The following NAALADL2 variants were observed in gnomAD, a reference collection of about 807,000 sequenced individuals.
NAALADL2 encodes N-acetylated alpha-linked acidic dipeptidase like 2, also known as inactive N-acetylated-alpha-linked acidic dipeptidase-like protein 2.
Under a neutral mutation model 87.2 loss-of-function variants are expected in NAALADL2, and 76 were observed. The ratio of observed to expected loss-of-function variants is 0.87; its 90% confidence interval spans 0.72 to 1.05. NAALADL2 has a LOEUF of 1.05. NAALADL2 is among the 50% of genes least tolerant of loss of function. The pLI, the probability that NAALADL2 is intolerant of heterozygous loss-of-function variation, is 0.00. For synonymous variants in NAALADL2, 354 were observed against 331.0 expected, an observed-to-expected ratio of 1.07 and a Z score of -0.75; for missense variants, 1,089 against 945.8, an observed-to-expected ratio of 1.15 and a Z score of -1.99.
intron 11 of NAALADL2, among the ~76,000 whole-genome samples, chr3:175,714,034 C>T (rs1450099506): frequency 1.3e-5 from 2 of 152,040 alleles, no homozygotes; most frequent in Non-Finnish European, 2.9e-5. Flanking sequence ...TCCAGCTTCA[C>T]CCATGTTTCT....
chr3:174,486,987 T>C (rs1032975281), intron 1 of NAALADL2, among the ~76,000 whole-genome samples: 1 of 151,996 alleles, frequency 6.6e-6, no homozygotes, highest in Non-Finnish European at 1.5e-5. Context: ...AAGCTGTGTC[T>C]ATCAGAGGCC....
chr3:174,914,800 A>G (rs1734165645), intron 1 of NAALADL2, among the ~76,000 whole-genome samples: 2 of 151,934 alleles, frequency 1.3e-5, no homozygotes, highest in African/African-American at 2.4e-5. Flanking sequence ...TGGAGACAAA[A>G]CAAATTTGAT....
At chr3:175,594,084 C>A (rs1016708918) in intron 10 of NAALADL2, among the ~76,000 whole-genome samples, 1 of 151,878 alleles carries the variant, frequency 6.6e-6, no homozygotes, top group African/African-American at 2.4e-5. Context: ...GGGTACAGAT[C>A]CTGTCACCCA....
At chr3:175,358,814 G>T (rs1187243806) in intron 5 of NAALADL2, among the ~76,000 whole-genome samples, 4 of 152,084 alleles carry the variant, frequency 2.6e-5, no homozygotes, top group African/African-American at 9.7e-5. Context: ...TGAGCACAAT[G>T]CAAAACATGC....
At chr3:174,810,890 C>T (rs536283020) in intron 3 of NAALADL2, among the ~76,000 whole-genome samples, 1 of 152,292 alleles carries the variant, frequency 6.6e-6, no homozygotes, top group African/African-American at 2.4e-5. Context: ...TATCATGGAC[C>T]AGACCTAGGG....
chr3:175,707,639 A>C (rs1295102984), intron 11 of NAALADL2, among the ~76,000 whole-genome samples: 1 of 152,100 alleles, frequency 6.6e-6, no homozygotes, highest in East Asian at 1.9e-4. Flanking sequence ...CAATTTCTTT[A>C]TATGTACACT....
At chr3:175,338,664 A>AC (rs1762280095) in intron 5 of NAALADL2, among the ~76,000 whole-genome samples, 3 of 142,610 alleles carry the variant, frequency 2.1e-5, no homozygotes, top group Non-Finnish European at 1.6e-5. Context: ...CACACACACA[A>AC]ACAAACAAAA....
chr3:174,764,281 G>A (rs927683452), intron 3 of NAALADL2, among the ~76,000 whole-genome samples: 1 of 152,168 alleles, frequency 6.6e-6, no homozygotes, highest in Non-Finnish European at 1.5e-5. Context: ...TTTTAAGCTA[G>A]GTAACTTTTG....
rs555785465 is a variant in NAALADL2, at chr3:175,387,959, A to C, written c.1091-59270A>C. On this transcript the variant is annotated intron_variant, in intron 5 of 13. Transcript: ENST00000454872. ...CTGATTGACAGTTAATATTGTAGCT[A>C]TTCCCTGTTTAACCTTCCTAAATTC... Among the ~76,000 whole-genome samples, 27 of 152,206 alleles carry C rather than the reference A, an allele frequency of 1.8e-4. 1 individual carries two copies. The South Asian group carries it at 5.6e-3, about 32-fold the overall frequency.
At chr3:175,350,071 A>G (rs1763601990) in intron 5 of NAALADL2, among the ~76,000 whole-genome samples, 1 of 144,640 alleles carries the variant, frequency 6.9e-6, no homozygotes, top group Non-Finnish European at 1.5e-5. Context: ...AAAAAAAAGG[A>G]TAAACTTAAT....
At chr3:175,581,140 T>A (rs1342735878) in intron 10 of NAALADL2, 4 of 397,700 alleles carry the variant, frequency 1.0e-5, no homozygotes, top group African/African-American at 8.2e-5. Context: ...TTCAAAAATC[T>A]CTTTAAAAAA....
At chr3:175,156,202 T>G (rs1004041703) in intron 2 of NAALADL2, among the ~76,000 whole-genome samples, 1 of 152,166 alleles carries the variant, frequency 6.6e-6, no homozygotes, top group Admixed American at 6.6e-5. Context: ...TCTTCCATAT[T>G]TGAAGCTATC....
chr3:175,136,179 G>A (rs958011094), intron 2 of NAALADL2, among the ~76,000 whole-genome samples: 2 of 152,136 alleles, frequency 1.3e-5, no homozygotes, highest in Admixed American at 6.5e-5. Context: ...TGATGAAGGA[G>A]ACATCATTGC....
At chr3:174,942,311 G>T (rs961257169) in intron 1 of NAALADL2, among the ~76,000 whole-genome samples, 4 of 152,248 alleles carry the variant, frequency 2.6e-5, no homozygotes, top group Non-Finnish European at 5.9e-5. Flanking sequence ...GGCTGGATAT[G>T]AAATTGTTGG....
chr3:175,427,521 G>A (rs1717026117), intron 5 of NAALADL2, among the ~76,000 whole-genome samples: 1 of 152,034 alleles, frequency 6.6e-6, no homozygotes, highest in Admixed American at 6.6e-5. Context: ...TAAAAATTTA[G>A]CTAAGAATAT....
At chr3:174,978,905 G>A (rs1744728746) in intron 1 of NAALADL2, among the ~76,000 whole-genome samples, 1 of 152,074 alleles carries the variant, frequency 6.6e-6, no homozygotes, top group African/African-American at 2.4e-5. Context: ...ATTTTAAAAA[G>A]CAATATTAAC....
At chr3:175,769,200 T>A (rs1749147041) in intron 13 of NAALADL2, among the ~76,000 whole-genome samples, 2 of 152,230 alleles carry the variant, frequency 1.3e-5, no homozygotes, top group Non-Finnish European at 2.9e-5. Flanking sequence ...AAGTACGCAG[T>A]GTCTACCATA....
At chr3:174,933,719 C>G (rs2108432975) in intron 1 of NAALADL2, among the ~76,000 whole-genome samples, 1 of 152,254 alleles carries the variant, frequency 6.6e-6, no homozygotes, top group South Asian at 2.1e-4. Flanking sequence ...AAGATATTTT[C>G]TACACTCTAG....
intron 4 of NAALADL2, among the ~76,000 whole-genome samples, chr3:175,283,983 ATAATT>A (rs2110097514): frequency 6.6e-6 from 1 of 151,824 alleles, no homozygotes; most frequent in Non-Finnish European, 1.5e-5. Flanking sequence ...AGGAAAAAAA[ATAATT>A]TAAATTTATC....
Sources: gnomAD v4.1 joint callset for allele counts (sites outside exome capture counted in the v4.1 genomes callset) on GRCh38, gnomAD v4.1.1 for gene constraint, MANE v1.5 for transcripts, NCBI Gene and HGNC (gene_info 2026-07-23, HGNC 2026-07-21) for gene names.